STXBP5L: variants seen among roughly 807,000 people sequenced by gnomAD.
STXBP5L encodes syntaxin binding protein 5L, also known as syntaxin-binding protein 5-like.
In STXBP5L, 65 loss-of-function variants were observed where a neutral mutation model predicts 144.5. The observed-to-expected ratio is 0.45, with a 90% CI of 0.37 to 0.55. The LOEUF (loss-of-function observed/expected upper bound fraction) is 0.55. Ranked by LOEUF, STXBP5L falls within the 20% of genes least tolerant of loss-of-function variation. The pLI, the probability that STXBP5L is intolerant of heterozygous loss-of-function variation, is 0.00. For missense variants in STXBP5L, 1,298 were observed against 1,405.5 expected (o/e 0.92, Z 1.22); for synonymous variants, 505 against 469.6 (o/e 1.08, Z -0.97).
chr3:120,992,845 A>G (rs1943035650), intron 3 of STXBP5L, among the ~76,000 whole-genome samples: 1 of 152,048 alleles, frequency 6.6e-6, no homozygotes, highest in Non-Finnish European at 1.5e-5. Flanking sequence ...ATAATATGGT[A>G]GTTCTATTTT....
intron 19 of STXBP5L, among the ~76,000 whole-genome samples, chr3:121,298,374 C>G (rs915783859): frequency 6.6e-6 from 1 of 152,064 alleles, no homozygotes; most frequent in Non-Finnish European, 1.5e-5. Flanking sequence ...GTAAAACTTC[C>G]AGAAGAAAAT....
At chr3:121,264,822 A>G (rs1035750834) in intron 18 of STXBP5L, among the ~76,000 whole-genome samples, 3 of 146,208 alleles carry the variant, frequency 2.1e-5, no homozygotes, top group African/African-American at 7.6e-5. Context: ...AAAAAAAAAA[A>G]GATTGCAATC....
At chr3:121,047,102 T>G (rs762958590) in intron 5 of STXBP5L, among the ~76,000 whole-genome samples, 65 of 152,186 alleles carry the variant, frequency 4.3e-4, no homozygotes, top group Non-Finnish European at 7.5e-4. Flanking sequence ...CATAATTTCA[T>G]TGTTTACCCA....
chr3:121,157,446 A>G (rs1203176122), intron 8 of STXBP5L, 58 bp from the exon 9 acceptor site: 1 of 1,467,794 alleles, frequency 6.8e-7, no homozygotes, highest in African/African-American at 1.5e-5. Context: ...GGAATATAGA[A>G]TGATATAACC....
intron 9 of STXBP5L, among the ~76,000 whole-genome samples, chr3:121,183,380 A>G (rs1269416503): frequency 6.6e-6 from 1 of 152,208 alleles, no homozygotes; most frequent in East Asian, 1.9e-4. Context: ...ATATGATTGT[A>G]TACCTAGAAA....
At chr3:121,316,224 G>A (rs577866000) in intron 19 of STXBP5L, among the ~76,000 whole-genome samples, 8 of 152,170 alleles carry the variant, frequency 5.3e-5, no homozygotes, top group Non-Finnish European at 8.8e-5. Context: ...GTTGTAAATT[G>A]GCACAAGGAA....
chr3:121,309,147 C>T (rs1396055365), intron 19 of STXBP5L, among the ~76,000 whole-genome samples: 1 of 151,632 alleles, frequency 6.6e-6, no homozygotes, highest in Non-Finnish European at 1.5e-5. Context: ...AAGTGTAACC[C>T]AACTATATCA....
At chr3:121,408,677 T>G (rs1471637495) in intron 23 of STXBP5L, among the ~76,000 whole-genome samples, 5 of 151,864 alleles carry the variant, frequency 3.3e-5, no homozygotes, top group African/African-American at 1.2e-4. Context: ...ATTTATCAAT[T>G]AATAGGAAAT....
At chr3:121,415,364 A>G (rs1194242155) in intron 24 of STXBP5L, among the ~76,000 whole-genome samples, 1 of 152,208 alleles carries the variant, frequency 6.6e-6, no homozygotes, top group African/African-American at 2.4e-5. Flanking sequence ...CACCCTATAC[A>G]GTAGCTGCCT....
At position 121,152,499 on chromosome 3, in the gene STXBP5L, G is replaced by A; in HGVS notation, c.692G>A (p.Gly231Asp). 6.2e-7 allele frequency: 1 copy of A among 1,608,050 alleles called. No individual in the cohort carries two copies. The highest frequency in any genetic ancestry group is 1.1e-5 in the South Asian group (1 of 90,426). Residue 231 changes from glycine to aspartate, a missense_variant, in exon 8 of 27, where the codon GGT becomes GAT. Coordinates refer to ENST00000471454, the MANE Select transcript of STXBP5L (RefSeq NM_001308330.2). ...EGKLLIGYENGTVVFWDLKSK... is the reference protein window; with the variant it reads ...EGKLLIGYENDTVVFWDLKSK... ...CAGCTGCTAATAGGTTATGAAAATG[G>A]TACTGTAGTATTCTGGGACTTGAAA...
At chr3:120,928,262 CT>C (rs1207618684) in intron 2 of STXBP5L, among the ~76,000 whole-genome samples, 1 of 11,222 alleles carries the variant, frequency 8.9e-5, no homozygotes, top group Non-Finnish European at 1.5e-4. Flanking sequence ...TAAATTCTGA[CT>C]TCTTTTTTTT....
At chr3:120,930,233 T>C (rs1431497819) in intron 2 of STXBP5L, among the ~76,000 whole-genome samples, 4 of 151,454 alleles carry the variant, frequency 2.6e-5, no homozygotes, top group African/African-American at 2.4e-5. Context: ...TACTTTGTCA[T>C]AGCAGACCCA....
At chr3:121,316,347 G>A (rs2043788630) in intron 19 of STXBP5L, among the ~76,000 whole-genome samples, 1 of 152,140 alleles carries the variant, frequency 6.6e-6, no homozygotes, top group South Asian at 2.1e-4. Flanking sequence ...AGACAGTACA[G>A]AAATAGAAAA....
At chr3:121,348,516 A>G (rs2045109928) in intron 20 of STXBP5L, among the ~76,000 whole-genome samples, 1 of 152,254 alleles carries the variant, frequency 6.6e-6, no homozygotes, top group Admixed American at 6.5e-5. Flanking sequence ...TTATTGGAAT[A>G]GTTTCAGAAG....
intron 3 of STXBP5L, among the ~76,000 whole-genome samples, chr3:120,979,396 C>G (rs953297131): frequency 1.3e-5 from 2 of 152,304 alleles, no homozygotes; most frequent in African/African-American, 2.4e-5. Flanking sequence ...TTAAGCCTGT[C>G]GGAAAAGCGC....
chr3:121,417,419 A>T (rs1054094487), intron 25 of STXBP5L, among the ~76,000 whole-genome samples: 1 of 152,156 alleles, frequency 6.6e-6, no homozygotes, highest in Non-Finnish European at 1.5e-5. Flanking sequence ...CATCCTTGGG[A>T]ATTCTAACTA....
In STXBP5L at chr3:121,134,889, A is replaced by G. The variant is rs1486164436; in HGVS notation, c.669+13185A>G. Among the ~76,000 whole-genome samples, 5 of 152,326 alleles carry G rather than the reference A, an allele frequency of 3.3e-5. No homozygotes were observed. In the East Asian group the frequency reaches 9.6e-4, roughly 29 times the overall value. ...ATACATGTGCATGTGCCTTTATAGC[A>G]GCATGATTTATAATCCTTTGGGTAT... On this transcript the variant is annotated intron_variant, in intron 7 of 26. Coordinates refer to ENST00000471454, the MANE Select transcript of STXBP5L (RefSeq NM_001308330.2).
intron 3 of STXBP5L, among the ~76,000 whole-genome samples, chr3:120,974,283 T>C (rs1325018445): frequency 1.3e-5 from 2 of 152,204 alleles, no homozygotes; most frequent in East Asian, 1.9e-4. Context: ...TGCATTTCTC[T>C]GATGGCCAGT....
At chr3:121,131,973 C>T (rs1044109885) in intron 7 of STXBP5L, among the ~76,000 whole-genome samples, 1 of 152,130 alleles carries the variant, frequency 6.6e-6, no homozygotes, top group African/African-American at 2.4e-5. Context: ...GGTGCAGTGC[C>T]ATATGGTCAA....
Sources: gnomAD v4.1 joint callset for allele counts (sites outside exome capture counted in the v4.1 genomes callset) on GRCh38, gnomAD v4.1.1 for gene constraint, MANE v1.5 for transcripts, NCBI Gene and HGNC (gene_info 2026-07-23, HGNC 2026-07-21) for gene names.